Variants in GRK5 observed in about 807,000 individuals in gnomAD.
The protein encoded by GRK5 is g protein-coupled receptor kinase GRK5.
A neutral mutation model predicts 78.4 loss-of-function variants in GRK5; 40 were observed. The ratio of observed to expected loss-of-function variants is 0.51; its 90% CI spans 0.40 to 0.66. The LOEUF is 0.66. GRK5 is among the 30% of genes least tolerant of loss of function. GRK5 has a pLI of 0.00. For synonymous variants in GRK5, 289 were observed against 296.8 expected (o/e 0.97, Z 0.27); for missense variants, 598 against 759.9 (o/e 0.79, Z 2.50).
chr10:119,357,698 T>C (rs1851285571), intron 2 of GRK5, among the ~76,000 whole-genome samples: 1 of 152,238 alleles, frequency 6.6e-6, no homozygotes, highest in Non-Finnish European at 1.5e-5. Flanking sequence ...CATGAGCTTC[T>C]TTCCATGCAA....
chr10:119,246,268 A>G (rs1321975354), intron 1 of GRK5, among the ~76,000 whole-genome samples: 1 of 152,134 alleles, frequency 6.6e-6, no homozygotes, highest in Non-Finnish European at 1.5e-5. Context: ...ATTACTTATA[A>G]TACCTCATAC....
intron 8 of GRK5, among the ~76,000 whole-genome samples, chr10:119,432,202 A>G (rs768594785): frequency 3.3e-5 from 5 of 152,206 alleles, no homozygotes; most frequent in Non-Finnish European, 7.3e-5. Flanking sequence ...ACCAGTCAAC[A>G]CAGAGACAAG....
At chr10:119,451,027 GC>G (rs1200688337) in intron 13 of GRK5, among the ~76,000 whole-genome samples, 1 of 28,668 alleles carries the variant, frequency 3.5e-5, no homozygotes, top group East Asian at 1.1e-3. Context: ...TTCCCTGCCA[GC>G]CCCCCCAGTC....
intron 2 of GRK5, among the ~76,000 whole-genome samples, chr10:119,343,549 A>G (rs1400317956): frequency 6.6e-6 from 1 of 152,248 alleles, no homozygotes; most frequent in Admixed American, 6.5e-5. Context: ...AGTCGAGGCC[A>G]TGCTGGCTGT....
chr10:119,411,388 C>T (rs1852333610), intron 4 of GRK5, among the ~76,000 whole-genome samples: 1 of 152,176 alleles, frequency 6.6e-6, no homozygotes, highest in Non-Finnish European at 1.5e-5. Context: ...ACCCCTTAGA[C>T]TCTAGGTCTT....
chr10:119,298,453 T>A (rs1426695754), intron 1 of GRK5, among the ~76,000 whole-genome samples: 1 of 152,184 alleles, frequency 6.6e-6, no homozygotes, highest in East Asian at 1.9e-4. Flanking sequence ...CGTGAATCCC[T>A]CACTTCCAGT....
At chr10:119,390,465 T>A (rs189240166) in intron 3 of GRK5, among the ~76,000 whole-genome samples, 9 of 152,086 alleles carry the variant, frequency 5.9e-5, no homozygotes, top group Admixed American at 4.6e-4. Context: ...GAGGCCAAGA[T>A]GGGCAGATCA....
chr10:119,272,811 A>G (rs1486241792), intron 1 of GRK5, among the ~76,000 whole-genome samples: 1 of 152,014 alleles, frequency 6.6e-6, no homozygotes, highest in Admixed American at 6.6e-5. Flanking sequence ...TTAAGGCCTG[A>G]CCTGTCAGAT....
chr10:119,374,970 C>T (rs77741887), intron 2 of GRK5, among the ~76,000 whole-genome samples: 10,889 of 152,230 alleles, frequency 0.072, 591 homozygotes, highest in East Asian at 0.23. Flanking sequence ...GCCAATTAAA[C>T]GTGTTTTCTA....
chr10:119,297,410 C>T (rs1051096864), intron 1 of GRK5, among the ~76,000 whole-genome samples: 5 of 152,176 alleles, frequency 3.3e-5, no homozygotes, highest in African/African-American at 4.8e-5. Flanking sequence ...AGTCTGGCCT[C>T]CCCACTGTAC....
chr10:119,459,102 A>G lies in GRK5; in HGVS notation c.*4035A>G, dbSNP rs551003411. The G allele has an allele frequency of 6.6e-6, 1 of 152,338 alleles. No homozygotes were observed. The highest frequency in any genetic ancestry group is 1.9e-4 in the East Asian group (1 of 5,182). The allele number at this position is 152,338 out of a possible 1,614,324, so 9.4% of individuals were successfully genotyped here. ...TCCAACTTTTTAGCCCCGGCTGTGG[A>G]AAGATAGTGAGTATGAAGTCTTTGT... is the stretch of plus-strand genomic sequence containing the variant. On this transcript the variant is annotated 3_prime_UTR_variant, in exon 16 of 16. Transcript: ENST00000392870.
intron 4 of GRK5, among the ~76,000 whole-genome samples, chr10:119,407,204 A>G (rs1852257062): frequency 6.6e-6 from 1 of 152,248 alleles, no homozygotes. Context: ...GGTTCTGTGG[A>G]TCCCAGTTTA....
At chr10:119,266,383 G>A (rs377517614) in intron 1 of GRK5, among the ~76,000 whole-genome samples, 1 of 152,094 alleles carries the variant, frequency 6.6e-6, no homozygotes, top group Admixed American at 6.5e-5. Flanking sequence ...TTGAACCCAG[G>A]AGGTGGAGGT....
chr10:119,268,240 G>A (rs1289813542), intron 1 of GRK5, among the ~76,000 whole-genome samples: 1 of 152,240 alleles, frequency 6.6e-6, no homozygotes, highest in Non-Finnish European at 1.5e-5. Context: ...TTTAGAACAA[G>A]CTTTGTGTTA....
chr10:119,247,377 C>A (rs1244610677), intron 1 of GRK5, among the ~76,000 whole-genome samples: 1 of 152,180 alleles, frequency 6.6e-6, no homozygotes. Context: ...CAGTCGATGA[C>A]TCCCCCTTCA....
intron 1 of GRK5, among the ~76,000 whole-genome samples, chr10:119,225,272 G>A (rs1306189487): frequency 6.6e-6 from 1 of 152,200 alleles, no homozygotes; most frequent in Non-Finnish European, 1.5e-5. Context: ...TTAATAAACT[G>A]TCTTCCTGGA....
intron 1 of GRK5, among the ~76,000 whole-genome samples, chr10:119,274,790 C>T (rs1849640849): frequency 6.6e-6 from 1 of 152,218 alleles, no homozygotes; most frequent in Admixed American, 6.5e-5. Flanking sequence ...CTGGGTGGAA[C>T]ACTGATCGGG....
intron 3 of GRK5, among the ~76,000 whole-genome samples, chr10:119,394,321 T>TCTGCGTGTGTGG (rs1851969821): frequency 3.2e-5 from 2 of 63,098 alleles, no homozygotes; most frequent in African/African-American, 1.3e-4. Flanking sequence ...CACGTGGGTG[T>TCTGCGTGTGTGG]GTGTATCTGT....
chr10:119,318,192 TAA>T (rs1214831994), intron 1 of GRK5, among the ~76,000 whole-genome samples: 2 of 152,218 alleles, frequency 1.3e-5, no homozygotes, highest in Non-Finnish European at 2.9e-5. Context: ...AACATTAGAC[TAA>T]GAGTCAGAAC....
Sources: allele counts gnomAD v4.1 joint callset (sites outside exome capture counted in the v4.1 genomes callset), GRCh38; gene constraint gnomAD v4.1.1; transcripts MANE v1.5; gene names NCBI Gene and HGNC (gene_info 2026-07-23, HGNC 2026-07-21).